ERMP1: variants seen among roughly 807,000 people sequenced by gnomAD.
The protein encoded by ERMP1 is Felix-ina.
A neutral mutation model predicts 92.0 loss-of-function variants in ERMP1; 86 were observed. The observed-to-expected ratio is 0.93, with a 90% confidence interval of 0.79 to 1.12. The LOEUF (loss-of-function observed/expected upper bound fraction) is 1.12. Ranked by LOEUF, ERMP1 falls within the 50% of genes most tolerant of loss-of-function variation. ERMP1 has a pLI of 0.00. For synonymous variants in ERMP1, 530 were observed against 412.8 expected (o/e 1.28, Z -3.44); for missense variants, 1,342 against 1,116.3 (o/e 1.20, Z -2.88).
chr9:5,849,696 G>C (rs1007993974), intron 6 of ERMP1, among the ~76,000 whole-genome samples: 4 of 152,186 alleles, frequency 2.6e-5, no homozygotes, highest in African/African-American at 9.7e-5. Flanking sequence ...GTTATAACAA[G>C]TTTATTTCAG....
upstream of ERMP1, among the ~76,000 whole-genome samples, chr9:5,835,690 T>C (rs1250880157): frequency 6.6e-6 from 1 of 152,188 alleles, no homozygotes; most frequent in African/African-American, 2.4e-5. Flanking sequence ...GAAGGCCTCC[T>C]GGCCCTGGTG....
intron 13 of ERMP1, chr9:5,791,390 G>C: frequency 2.2e-6 from 1 of 447,584 alleles, no homozygotes; most frequent in South Asian, 1.6e-5. Flanking sequence ...TCACTGACGG[G>C]ATGAGGCTCA....
intron 6 of ERMP1, among the ~76,000 whole-genome samples, chr9:5,844,442 T>G (rs7019186): frequency 0.48 from 73,059 of 151,998 alleles, 20,626 homozygotes; most frequent in South Asian, 0.68. Flanking sequence ...GCCTGGCTAA[T>G]TTTTGTATTT....
chr9:5,865,529 T>C (rs987557518), intron 5 of ERMP1, among the ~76,000 whole-genome samples: 1 of 126,518 alleles, frequency 7.9e-6, no homozygotes, highest in African/African-American at 3.0e-5. Flanking sequence ...ATAATAATAA[T>C]AATAATAATA....
rs1828549326 is a variant in ERMP1, at chr9:5,798,767, A to C, written c.2270+39T>G. 4 of 1,364,006 alleles carry C rather than the reference A, an allele frequency of 2.9e-6. No homozygotes were observed. In the East Asian group the frequency reaches 6.9e-5, roughly 24 times the overall value. The allele number at this position is 1,364,006 out of a possible 1,614,324, so 84.5% of individuals were successfully genotyped here. On this transcript the variant is annotated intron_variant, in intron 12 of 14. Coordinates refer to ENST00000339450, the MANE Select transcript of ERMP1 (RefSeq NM_024896.3). ...AGTACTGATATGGTGACAAGACTTG[A>C]GAACAAACTAACCTTAAGCAGAAAA...
chr9:5,866,446 G>A (rs1830665737), intron 5 of ERMP1, among the ~76,000 whole-genome samples: 1 of 152,150 alleles, frequency 6.6e-6, no homozygotes, highest in South Asian at 2.1e-4. Context: ...CACAGCCTGG[G>A]GGCTGTGCGA....
chr9:5,821,873 CCT>C (rs1829549807), intron 4 of ERMP1, among the ~76,000 whole-genome samples: 1 of 152,194 alleles, frequency 6.6e-6, no homozygotes. Flanking sequence ...GACTGAGTGT[CCT>C]CTCTCCTTCA....
intron 6 of ERMP1, among the ~76,000 whole-genome samples, chr9:5,855,429 A>G (rs774965931): frequency 6.6e-6 from 1 of 152,204 alleles, no homozygotes; most frequent in Non-Finnish European, 1.5e-5. Flanking sequence ...GCTGTGATTC[A>G]ACAGCCTTTG....
At chr9:5,827,950 C>T (rs1001267092) in intron 2 of ERMP1, among the ~76,000 whole-genome samples, 2 of 152,042 alleles carry the variant, frequency 1.3e-5, no homozygotes. Context: ...TGCACTCTAG[C>T]CTGGGCGACA....
intron 10 of ERMP1, 22 bp from the exon 11 acceptor site, chr9:5,801,350 C>G (rs1563752475): frequency 1.3e-6 from 2 of 1,599,148 alleles, no homozygotes; most frequent in East Asian, 2.2e-5. Flanking sequence ...ACCACAAACA[C>G]AGAAATATTA....
chr9:5,838,542 A>AC (rs397952506), intron 6 of ERMP1, among the ~76,000 whole-genome samples: 2 of 130,424 alleles, frequency 1.5e-5, no homozygotes, highest in Admixed American at 8.1e-5. Flanking sequence ...AAAAAAAAAA[A>AC]GAAGAAGAAG....
At chr9:5,824,988 C>T in intron 3 of ERMP1, 104 bp downstream of exon 3, 2 of 1,119,034 alleles carry the variant, frequency 1.8e-6, no homozygotes, top group Non-Finnish European at 2.6e-6. Flanking sequence ...ATACTACCCA[C>T]AGGAGTCATA....
chr9:5,813,405 G>C (rs1402197359), intron 4 of ERMP1, among the ~76,000 whole-genome samples: 1 of 152,048 alleles, frequency 6.6e-6, no homozygotes, highest in African/African-American at 2.4e-5. Flanking sequence ...TTGTACATTT[G>C]TTTTCACTTA....
chr9:5,857,746 C>A (rs1223641895), intron 6 of ERMP1, among the ~76,000 whole-genome samples: 1 of 152,150 alleles, frequency 6.6e-6, no homozygotes, highest in Non-Finnish European at 1.5e-5. Context: ...TTATCTGTAG[C>A]CTTGACTGGG....
At chr9:5,816,759 G>A (rs1829321747) in intron 4 of ERMP1, among the ~76,000 whole-genome samples, 1 of 152,162 alleles carries the variant, frequency 6.6e-6, no homozygotes, top group Non-Finnish European at 1.5e-5. Flanking sequence ...CTAGTGTTCG[G>A]CAAGAAAAAA....
chr9:5,863,345 G>C (rs1004109486), intron 5 of ERMP1, among the ~76,000 whole-genome samples: 2 of 152,146 alleles, frequency 1.3e-5, no homozygotes, highest in Non-Finnish European at 2.9e-5. Flanking sequence ...CATATCCCAA[G>C]GACTCCCTTT....
chr9:5,801,611 C>T (rs893527708), intron 10 of ERMP1, among the ~76,000 whole-genome samples: 4 of 152,152 alleles, frequency 2.6e-5, no homozygotes, highest in Non-Finnish European at 4.4e-5. Context: ...AAACTCAGGA[C>T]TGTCGCTGTC....
intron 6 of ERMP1, among the ~76,000 whole-genome samples, chr9:5,857,935 T>G (rs1055802362): frequency 2.0e-5 from 3 of 152,236 alleles, no homozygotes; most frequent in African/African-American, 7.2e-5. Context: ...GAAGAGCTGA[T>G]AGTCAACTGA....
rs1408311152 is a variant in ERMP1 at position 5,811,338 on chromosome 9, A to G, written c.1115-15T>C. 8 of 629,958 alleles carry G rather than the reference A, an allele frequency of 1.3e-5. No individual in the cohort carries two copies. Among genetic ancestry groups the G allele is most frequent in the Non-Finnish European group, 1.8e-5 (8 of 448,748 alleles). The allele number at this position is 629,958 out of a possible 1,614,324, so 39.0% of individuals were successfully genotyped here. A position where few individuals can be genotyped will look rare whatever the true frequency, so the allele number is the denominator to read the frequency against. On this transcript the variant is annotated splice_polypyrimidine_tract_variant and intron_variant, in intron 6 of 14. Coordinates refer to ENST00000339450, the MANE Select transcript of ERMP1 (RefSeq NM_024896.3). ...AATGTTGTCACCTATTAGTAAAAAC[A>G]AAAAAAAAAAGAAAGAAAAGGAAAA...
Sources: allele counts gnomAD v4.1 joint callset (sites outside exome capture counted in the v4.1 genomes callset), GRCh38; gene constraint gnomAD v4.1.1; transcripts MANE v1.5; gene names NCBI Gene and HGNC (gene_info 2026-07-23, HGNC 2026-07-21).